AMOTL1: variants seen among roughly 807,000 people sequenced by gnomAD.
AMOTL1 encodes the protein angiomotin-like protein 1.
AMOTL1 carries 45 observed loss-of-function variants against 102.9 expected under a neutral mutation model. That is an observed-to-expected ratio of 0.44 (90% CI 0.34 to 0.56). AMOTL1 has a LOEUF of 0.56. Ranked by LOEUF, AMOTL1 falls within the 20% of genes least tolerant of loss-of-function variation. The probability of loss-of-function intolerance (pLI) is 0.01; values close to 1 mark genes in which losing one functional copy is unlikely to be tolerated. For synonymous variants in AMOTL1, 481 were observed against 484.7 expected (o/e 0.99, Z 0.10); for missense variants, 1,114 against 1,225.6 (o/e 0.91, Z 1.36).
chr11:94,861,239 G>A (rs1592045504), intron 9 of AMOTL1, among the ~76,000 whole-genome samples: 1 of 152,200 alleles, frequency 6.6e-6, no homozygotes, highest in Non-Finnish European at 1.5e-5. Flanking sequence ...TTGGAGGGAA[G>A]TTGCAGCCTC....
At chr11:94,805,790 T>TG (rs1190164849) in intron 3 of AMOTL1, among the ~76,000 whole-genome samples, 2 of 152,182 alleles carry the variant, frequency 1.3e-5, no homozygotes, top group Non-Finnish European at 2.9e-5. Context: ...AAGCATGACA[T>TG]GGTAGTGTTT....
At chr11:94,839,062 G>C (rs1952242414) in intron 6 of AMOTL1, among the ~76,000 whole-genome samples, 1 of 152,206 alleles carries the variant, frequency 6.6e-6, no homozygotes, top group Non-Finnish European at 1.5e-5. Context: ...TTACAAGTGT[G>C]GTTACCAGTA....
intron 3 of AMOTL1, among the ~76,000 whole-genome samples, chr11:94,808,407 C>T (rs1951603990): frequency 1.3e-5 from 2 of 152,312 alleles, no homozygotes; most frequent in Non-Finnish European, 2.9e-5. Context: ...TTATGAATTA[C>T]TTCACTACAT....
intron 1 of AMOTL1, among the ~76,000 whole-genome samples, chr11:94,707,886 C>A (rs1162503126): frequency 2.6e-5 from 4 of 152,064 alleles, no homozygotes; most frequent in Non-Finnish European, 5.9e-5. Context: ...CAGATATTAC[C>A]CTAGTTTAAA....
rs1343298459 is a variant in AMOTL1 at position 94,847,355 on chromosome 11, A to G, written c.1649-2759A>G. The stretch of plus-strand genomic sequence containing the variant: ...GAGGTCATGAGGATACTGAATACCT[A>G]ATAGCTAACAGGAGCTATAATTTCT... On this transcript the variant is annotated intron_variant, in intron 6 of 12. Transcript: ENST00000433060. 2.0e-5 allele frequency among the ~76,000 whole-genome samples: 3 copies of G among 152,198 alleles called. No homozygotes were observed. In the East Asian group the frequency reaches 5.8e-4, roughly 29 times the overall value.
chr11:94,751,170 T>C (rs1950649410), intron 3 of AMOTL1, among the ~76,000 whole-genome samples: 1 of 152,180 alleles, frequency 6.6e-6, no homozygotes, highest in Non-Finnish European at 1.5e-5. Flanking sequence ...TACATGGATA[T>C]TCAGTACGTA....
intron 1 of AMOTL1, among the ~76,000 whole-genome samples, chr11:94,771,262 G>GGGT (rs1950946371): frequency 6.8e-6 from 1 of 146,536 alleles, no homozygotes; most frequent in Admixed American, 6.7e-5. Flanking sequence ...GCGGGGTTGG[G>GGGT]GGGGGGGTGC....
chr11:94,824,418 C>T (rs576332413), intron 4 of AMOTL1, among the ~76,000 whole-genome samples: 8 of 152,320 alleles, frequency 5.3e-5, no homozygotes, highest in Non-Finnish European at 1.2e-4. Flanking sequence ...TGAGGACTTA[C>T]TGTACTACAT....
intron 2 of AMOTL1, among the ~76,000 whole-genome samples, chr11:94,798,848 T>C (rs1357282389): frequency 6.6e-6 from 1 of 152,012 alleles, no homozygotes; most frequent in Admixed American, 6.6e-5. Flanking sequence ...AGGTGTATAA[T>C]ATGAGGGCTG....
intron 1 of AMOTL1, among the ~76,000 whole-genome samples, chr11:94,793,857 G>A (rs773318758): frequency 2.0e-5 from 3 of 152,134 alleles, no homozygotes; most frequent in Non-Finnish European, 4.4e-5. Context: ...TAATTTATAA[G>A]AAAAAAATTC....
Position 94,799,739 on chromosome 11 carries a change from GAAC to G in AMOTL1, c.553_555del (p.Asn185del), listed in dbSNP as rs1951435175. 6.2e-6 allele frequency: 10 copies of G among 1,611,806 alleles called. No homozygotes were observed. Among genetic ancestry groups the G allele is most frequent in the East Asian group, 2.2e-5 (1 of 44,836 alleles). Reference sequence around the variant, plus strand: ...AGGTCCGGTCCACGCAGCCTCAGCAGAACAACGAGGAACTGCCCACTTACGAGG... The same window carrying G: ...AGGTCCGGTCCACGCAGCCTCAGCAGAACGAGGAACTGCCCACTTACGAGG... On this transcript the variant is annotated inframe_deletion, in exon 3 of 13. Coordinates refer to ENST00000433060, the MANE Select transcript of AMOTL1 (RefSeq NM_130847.3). This position sits in a 1 kb window ranked among gnomAD's most constrained non-coding sequence, Gnocchi z 4.5.
chr11:94,854,143 A>G, intron 8 of AMOTL1, 61 bp downstream of exon 8: 2 of 1,459,110 alleles, frequency 1.4e-6, no homozygotes, highest in African/African-American at 1.4e-5. Context: ...AAACGTATGG[A>G]TGTTCTACCA....
In AMOTL1 at chr11:94,799,097, T is replaced by C. The variant is rs142369327; in HGVS notation, c.200-293T>C. On this transcript the variant is annotated intron_variant, in intron 2 of 12. Transcript: ENST00000433060. The surrounding 1 kb of genome is among the most constrained non-coding windows in gnomAD (Gnocchi z 4.5). The stretch of plus-strand genomic sequence containing the variant: ...TTTAAATGGGAAAGACTTGGGTATA[T>C]TTATGTGATGAAGAGAAAGGACCGG... Among the ~76,000 whole-genome samples, 133 of 152,060 alleles carry C rather than the reference T, an allele frequency of 8.7e-4. 1 individual carries two copies. Among genetic ancestry groups the C allele is most frequent in the African/African-American group, 3.1e-3 (129 of 41,438 alleles).
intron 4 of AMOTL1, among the ~76,000 whole-genome samples, chr11:94,822,086 G>A (rs78816222): frequency 0.019 from 2,861 of 152,246 alleles, 41 homozygotes; most frequent in African/African-American, 0.032. Flanking sequence ...GCTCTTGACC[G>A]GAGACTCAGA....
chr11:94,814,002 G>A (rs1431814328), intron 3 of AMOTL1, among the ~76,000 whole-genome samples: 1 of 152,132 alleles, frequency 6.6e-6, no homozygotes, highest in Admixed American at 6.5e-5. Flanking sequence ...TCTCCTACAG[G>A]CTGAGGGGCA....
intron 1 of AMOTL1, among the ~76,000 whole-genome samples, chr11:94,714,622 A>G (rs996233622): frequency 6.6e-5 from 10 of 152,070 alleles, no homozygotes; most frequent in Non-Finnish European, 1.5e-5. Flanking sequence ...ATTTTTGGGA[A>G]TTAGTCCATT....
At chr11:94,853,798 G>C in intron 7 of AMOTL1, 135 bp from the exon 8 acceptor site, 1 of 906,672 alleles carries the variant, frequency 1.1e-6, no homozygotes, top group Non-Finnish European at 1.7e-6. Flanking sequence ...TTGAAGGATA[G>C]GAGTAGGGCG....
At chr11:94,734,668 G>C (rs1433813004) in intron 2 of AMOTL1, among the ~76,000 whole-genome samples, 1 of 152,122 alleles carries the variant, frequency 6.6e-6, no homozygotes, top group Non-Finnish European at 1.5e-5. Context: ...GGGAGAGGAG[G>C]GGAGGAGGAG....
At chr11:94,718,005 C>T (rs1950121611) in intron 1 of AMOTL1, among the ~76,000 whole-genome samples, 1 of 151,778 alleles carries the variant, frequency 6.6e-6, no homozygotes, top group African/African-American at 2.4e-5. Flanking sequence ...AATAAATATG[C>T]CTTATAAAAA....
Sources: allele counts gnomAD v4.1 joint callset (sites outside exome capture counted in the v4.1 genomes callset), GRCh38; gene constraint gnomAD v4.1.1; non-coding constraint Gnocchi (gnomAD v3.1); transcripts MANE v1.5; gene names NCBI Gene and HGNC (gene_info 2026-07-23, HGNC 2026-07-21).